The following FAM117A variants were observed in gnomAD, a reference collection of about 807,000 sequenced individuals.
The protein encoded by FAM117A is family with sequence similarity 117 member A, also known as protein FAM117A.
A neutral mutation model predicts 44.1 loss-of-function variants in FAM117A; 21 were observed. That is an observed-to-expected ratio of 0.48 (90% CI 0.34 to 0.69). The LOEUF (loss-of-function observed/expected upper bound fraction) is 0.69, where lower values mean the gene tolerates loss of function less well. Among genes scored for constraint, FAM117A ranks in the 30% least tolerant of loss-of-function variants. The pLI is 0.01. For missense variants in FAM117A, 498 were observed against 589.9 expected (o/e 0.84, Z 1.61); for synonymous variants, 220 against 238.3 (o/e 0.92, Z 0.71).
intron 1 of FAM117A, among the ~76,000 whole-genome samples, chr17:49,734,682 A>G (rs2073602656): frequency 2.0e-5 from 3 of 152,256 alleles, no homozygotes. Context: ...TAGAATTACC[A>G]TATGACCCAG....
intron 1 of FAM117A, among the ~76,000 whole-genome samples, chr17:49,762,634 T>C (rs908740055): frequency 2.0e-5 from 3 of 152,198 alleles, no homozygotes; most frequent in Admixed American, 6.5e-5. Flanking sequence ...TAACTAGGCT[T>C]GGTAATCATC....
intron 2 of FAM117A, among the ~76,000 whole-genome samples, chr17:49,724,977 C>A (rs2073553394): frequency 6.6e-6 from 1 of 152,184 alleles, no homozygotes; most frequent in South Asian, 2.1e-4. Context: ...CCACTGCCTT[C>A]TCTGTGTAAA....
At chr17:49,732,744 G>A (rs552721803) in intron 1 of FAM117A, 24 bp from the exon 2 acceptor site, 140 of 1,606,930 alleles carry the variant, frequency 8.7e-5, no homozygotes, top group East Asian at 7.9e-4. Context: ...CAGCCCGCAC[G>A]CCTTGCCATC....
chr17:49,771,121 C>A (rs111320175), intron 1 of FAM117A, among the ~76,000 whole-genome samples: 1 of 152,020 alleles, frequency 6.6e-6, no homozygotes, highest in Non-Finnish European at 1.5e-5. Flanking sequence ...GCAGAAGAAT[C>A]GTTTGAACCT....
chr17:49,753,013 TCACCA>T (rs1450864921), intron 1 of FAM117A, among the ~76,000 whole-genome samples: 1 of 151,964 alleles, frequency 6.6e-6, no homozygotes, highest in African/African-American at 2.4e-5. Context: ...AAGGAAGGTG[TCACCA>T]CACCCTGCTA....
At chr17:49,755,640 C>T (rs2073695761) in intron 1 of FAM117A, among the ~76,000 whole-genome samples, 1 of 152,232 alleles carries the variant, frequency 6.6e-6, no homozygotes, top group South Asian at 2.1e-4. Flanking sequence ...AATGCCACGT[C>T]TTTGCCACCA....
At chr17:49,783,286 G>C (rs2073795200) in intron 1 of FAM117A, among the ~76,000 whole-genome samples, 1 of 152,192 alleles carries the variant, frequency 6.6e-6, no homozygotes, top group Admixed American at 6.5e-5. Flanking sequence ...AGACAGCTTT[G>C]TGCTCAGATT....
At chr17:49,736,060 A>G (rs1457888359) in intron 1 of FAM117A, among the ~76,000 whole-genome samples, 2 of 152,150 alleles carry the variant, frequency 1.3e-5, no homozygotes, top group African/African-American at 4.8e-5. Context: ...ATAAACTTAC[A>G]GGTCTTACCT....
At chr17:49,770,212 G>A (rs953680986) in intron 1 of FAM117A, among the ~76,000 whole-genome samples, 2 of 147,790 alleles carry the variant, frequency 1.4e-5, no homozygotes, top group Non-Finnish European at 3.0e-5. Flanking sequence ...AGAGGTTGCC[G>A]TGAGCTGAGA....
intron 1 of FAM117A, among the ~76,000 whole-genome samples, chr17:49,771,902 C>A (rs2073761977): frequency 6.6e-6 from 1 of 152,176 alleles, no homozygotes; most frequent in Non-Finnish European, 1.5e-5. Context: ...TCCCTGGGGG[C>A]AAATAAGCTA....
rs2073613735 is a variant in FAM117A, at chr17:49,737,050, T to G, written c.197-4330A>C. 2.0e-5 allele frequency among the ~76,000 whole-genome samples: 3 copies of G among 152,258 alleles called. 1 individual carries two copies. Among genetic ancestry groups the G allele is most frequent in the African/African-American group, 4.8e-5 (2 of 41,468 alleles). On this transcript the variant is annotated intron_variant, in intron 1 of 7. Coordinates refer to ENST00000240364, the MANE Select transcript of FAM117A (RefSeq NM_030802.4). Reference sequence around the variant, plus strand: ...CTACTTTTACCAGGGGTTCTGACTTTGCATGTGTGTTCAACACACCCACTT... The same window carrying G: ...CTACTTTTACCAGGGGTTCTGACTTGGCATGTGTGTTCAACACACCCACTT...
At chr17:49,723,963 C>T (rs2073547405) in intron 2 of FAM117A, among the ~76,000 whole-genome samples, 1 of 152,156 alleles carries the variant, frequency 6.6e-6, no homozygotes, top group South Asian at 2.1e-4. Context: ...ATCCAGAGAT[C>T]CATTTCCCCA....
At chr17:49,781,868 T>C (rs2073790511) in intron 1 of FAM117A, among the ~76,000 whole-genome samples, 1 of 152,012 alleles carries the variant, frequency 6.6e-6, no homozygotes, top group African/African-American at 2.4e-5. Flanking sequence ...TCACAGCTAC[T>C]TGGAAGGCTG....
chr17:49,774,413 G>A (rs558617624), intron 1 of FAM117A, among the ~76,000 whole-genome samples: 34 of 150,154 alleles, frequency 2.3e-4, no homozygotes, highest in Non-Finnish European at 4.6e-4. Context: ...AGGCTGGAGC[G>A]CAATGGCGTG....
At chr17:49,711,581 G>A (rs2073478759) in intron 7 of FAM117A, 26 bp from the exon 8 acceptor site, 1 of 1,605,810 alleles carries the variant, frequency 6.2e-7, no homozygotes, top group Admixed American at 1.7e-5. Flanking sequence ...AGACACACAA[G>A]ACACATACGT....
At chr17:49,788,775 A>G, upstream of FAM117A, 1 of 1,549,104 alleles carries the variant, frequency 6.5e-7, no homozygotes, top group Non-Finnish European at 8.7e-7. Context: ...CGCCGGAGCC[A>G]CCGTTCCTGC....
At chr17:49,763,123 T>C (rs1598034868) in intron 1 of FAM117A, among the ~76,000 whole-genome samples, 1 of 141,172 alleles carries the variant, frequency 7.1e-6, no homozygotes, top group East Asian at 2.1e-4. Context: ...TCCCCCCCGC[T>C]ACACACACAC....
Position 49,722,606 on chromosome 17 carries a change from G to A in FAM117A, c.367-12C>T. The A allele has an allele frequency of 6.2e-7, 1 of 1,610,552 alleles. No individual in the cohort carries two copies. Among genetic ancestry groups the A allele is most frequent in the East Asian group, 2.2e-5 (1 of 44,804 alleles). ...CAGGACAGGGGCGTCTGCAGGGAGA[G>A]AAACACAGTGAGACACAGCAGCTTC... On this transcript the variant is annotated splice_polypyrimidine_tract_variant and intron_variant, in intron 2 of 7. Coordinates refer to ENST00000240364, the MANE Select transcript of FAM117A (RefSeq NM_030802.4).
At chr17:49,757,327 A>G (rs1478235477) in intron 1 of FAM117A, among the ~76,000 whole-genome samples, 3 of 152,116 alleles carry the variant, frequency 2.0e-5, no homozygotes, top group Non-Finnish European at 4.4e-5. Context: ...AAGTTTTTCT[A>G]TTATGAAATA....
Sources: gnomAD v4.1 joint callset for allele counts (sites outside exome capture counted in the v4.1 genomes callset) on GRCh38, gnomAD v4.1.1 for gene constraint, MANE v1.5 for transcripts, NCBI Gene and HGNC (gene_info 2026-07-23, HGNC 2026-07-21) for gene names.